The following PCDHGA1 variants were observed in gnomAD, a reference collection of about 807,000 sequenced individuals.
The protein encoded by PCDHGA1 is protocadherin gamma subfamily A, 1, also known as protocadherin gamma-A1.
PCDHGA1 carries 32 observed loss-of-function variants against 58.0 expected under a neutral mutation model. The observed-to-expected ratio is 0.55, with a 90% CI of 0.42 to 0.74. PCDHGA1 has a LOEUF of 0.74. Ranked by LOEUF, PCDHGA1 falls within the 30% of genes least tolerant of loss-of-function variation. The probability of loss-of-function intolerance (pLI) is 0.00; values close to 1 mark genes in which losing one functional copy is unlikely to be tolerated. For missense variants in PCDHGA1, 1,205 were observed against 1,182.3 expected (o/e 1.02, Z -0.28); for synonymous variants, 498 against 501.1 (o/e 0.99, Z 0.08).
At chr5:141,393,285 G>A (rs771057124) in intron 1 of PCDHGA1, 2 of 1,613,966 alleles carry the variant, frequency 1.2e-6, no homozygotes, top group Non-Finnish European at 1.7e-6. Context: ...CCCAGAAGCT[G>A]TTGACCCGGA....
intron 1 of PCDHGA1, among the ~76,000 whole-genome samples, chr5:141,472,792 C>A (rs2099297177): frequency 6.6e-6 from 1 of 151,698 alleles, no homozygotes; most frequent in African/African-American, 2.4e-5. Context: ...TCAAGATCAG[C>A]CTGACCAACA....
At position 141,345,499 on chromosome 5, in the gene PCDHGA1, A is replaced by C. The variant is rs755060552; in HGVS notation, c.2421+12394A>C. On this transcript the variant is annotated intron_variant, in intron 1 of 3. Coordinates refer to ENST00000517417, the MANE Select transcript of PCDHGA1 (RefSeq NM_018912.3). ...AGCAACAACAACGCCCGCATCACTT[A>C]TGCATTGACCGAGGACACTCTCCAG... 4 of 1,614,018 alleles carry C rather than the reference A, an allele frequency of 2.5e-6. No homozygotes were observed. In the African/African-American group the frequency reaches 5.3e-5, roughly 22 times the overall value.
chr5:141,332,345 A>G lies in PCDHGA1; in HGVS notation c.1661A>G (p.Asp554Gly). ...SNVSLSLFLL[D>G]QNDNAPEILY... ...GTGTCTCTCAGCCTATTCCTGCTGGACCAGAACGACAACGCGCCCGAGATC... is the reference window on the plus strand; with the variant it reads ...GTGTCTCTCAGCCTATTCCTGCTGGGCCAGAACGACAACGCGCCCGAGATC... Residue 554 changes from aspartate to glycine, a missense_variant, in exon 1 of 4, where the codon GAC becomes GGC. Asp to Gly is a moderately conservative substitution (Grantham distance 94). Coordinates refer to ENST00000517417, the MANE Select transcript of PCDHGA1 (RefSeq NM_018912.3). This position sits in a 1 kb window ranked among gnomAD's most constrained non-coding sequence, Gnocchi z 4.6. The G allele has an allele frequency of 6.2e-7, 1 of 1,614,066 alleles. No individual in the cohort carries two copies. Among genetic ancestry groups the G allele is most frequent in the Non-Finnish European group, 8.5e-7 (1 of 1,180,002 alleles).
Position 141,491,045 on chromosome 5 carries a change from A to G in PCDHGA1, c.2422-3762A>G, listed in dbSNP as rs1452139285. 2 of 1,613,970 alleles carry G rather than the reference A, an allele frequency of 1.2e-6. No individual in the cohort carries two copies. The highest frequency in any genetic ancestry group is 1.1e-5 in the South Asian group (1 of 91,090). On this transcript the variant is annotated intron_variant, in intron 1 of 3. Coordinates refer to ENST00000517417, the MANE Select transcript of PCDHGA1 (RefSeq NM_018912.3). This position sits in a 1 kb window ranked among gnomAD's most constrained non-coding sequence, Gnocchi z 6.9. ...GCCGTGGATGCTGATGCAGGCCACA[A>G]TGCGTGGCTCTCCTACTCACTGTTG...
Position 141,491,197 on chromosome 5 carries a change from G to A in PCDHGA1, c.2422-3610G>A. Reference sequence around the variant, plus strand: ...GGTGGTCCTGGTGAGGGACAATGGTGACCCTTCACTCTCCTCCACAGCCAC... The same window carrying A: ...GGTGGTCCTGGTGAGGGACAATGGTAACCCTTCACTCTCCTCCACAGCCAC... On this transcript the variant is annotated intron_variant, in intron 1 of 3. Coordinates refer to ENST00000517417, the MANE Select transcript of PCDHGA1 (RefSeq NM_018912.3). The surrounding 1 kb of genome is among the most constrained non-coding windows in gnomAD (Gnocchi z 6.9). 6.2e-7 allele frequency: 1 copy of A among 1,614,190 alleles called. No individual in the cohort carries two copies. The highest frequency in any genetic ancestry group is 8.5e-7 in the Non-Finnish European group (1 of 1,180,024).
chr5:141,428,117 G>A lies in PCDHGA1; in HGVS notation c.2422-66690G>A, dbSNP rs980705077. 5 of 1,606,984 alleles carry A rather than the reference G, an allele frequency of 3.1e-6. No individual in the cohort carries two copies. The African/African-American group carries it at 6.7e-5, about 21-fold the overall frequency. Reference sequence around the variant, plus strand: ...CCTACCACGTGCTGCAGGCCATCGAGCCCGGGCTTTTCAGCCTGGGGCTGC... The same window carrying A: ...CCTACCACGTGCTGCAGGCCATCGAACCCGGGCTTTTCAGCCTGGGGCTGC... On this transcript the variant is annotated intron_variant, in intron 1 of 3. Coordinates refer to ENST00000517417, the MANE Select transcript of PCDHGA1 (RefSeq NM_018912.3).
chr5:141,413,841 T>G, intron 1 of PCDHGA1: 1 of 1,613,060 alleles, frequency 6.2e-7, no homozygotes, highest in Non-Finnish European at 8.5e-7. Context: ...CCGACGGGGG[T>G]GACCCTCTCC....
chr5:141,395,190 A>T (rs769197632), intron 1 of PCDHGA1: 1 of 1,614,028 alleles, frequency 6.2e-7, no homozygotes, highest in East Asian at 2.2e-5. Context: ...TTCTTTGTTA[A>T]CATCCGTAGA....
chr5:141,409,736 G>C (rs1053484390), intron 1 of PCDHGA1: 9 of 1,612,992 alleles, frequency 5.6e-6, no homozygotes, highest in South Asian at 2.2e-5. Context: ...CGCGCAGAGC[G>C]GGGTGGTGTT....
intron 1 of PCDHGA1, chr5:141,383,627 C>G: frequency 1.2e-6 from 2 of 1,613,952 alleles, no homozygotes; most frequent in South Asian, 1.1e-5. Context: ...CCTGTCTTCT[C>G]TCTGCCTCAG....
chr5:141,343,376 AG>A, intron 1 of PCDHGA1: 1 of 982,238 alleles, frequency 1.0e-6, no homozygotes, highest in Non-Finnish European at 1.2e-6. Flanking sequence ...AGAGAGGGAA[AG>A]GTCAAAGAGG....
rs115001531 is a variant in PCDHGA1, at chr5:141,495,385, G to A, written c.2480+520G>A. Among the ~76,000 whole-genome samples the A allele has an allele frequency of 2.2e-3, 339 of 152,328 alleles. 1 individual carries two copies. Among genetic ancestry groups the A allele is most frequent in the African/African-American group, 7.9e-3 (329 of 41,590 alleles). ...AGGTGGAACTGAGGAAGGACTGGGC[G>A]GGGCATGGAGCAGGCCCCCTTCTCC... On this transcript the variant is annotated intron_variant, in intron 2 of 3. Transcript: ENST00000517417.
rs911594122 is a variant in PCDHGA1, at chr5:141,383,374, G to C, written c.2421+50269G>C. On this transcript the variant is annotated intron_variant, in intron 1 of 3. Transcript: ENST00000517417. ...TCGGTTTCCGTTAAGCGAGGCTGGGGATCCAGATGTGGGCACGAACTCCCT... is the reference window on the plus strand; with the variant it reads ...TCGGTTTCCGTTAAGCGAGGCTGGGCATCCAGATGTGGGCACGAACTCCCT... 1.2e-6 allele frequency: 2 copies of C among 1,613,910 alleles called. No homozygotes were observed. The highest frequency in any genetic ancestry group is 2.7e-5 in the African/African-American group (2 of 74,936).
At chr5:141,428,320 T>G in intron 1 of PCDHGA1, 2 of 650,176 alleles carry the variant, frequency 3.1e-6, no homozygotes, top group Non-Finnish European at 5.5e-6. Context: ...GGCCTTGGCC[T>G]TGATTTCTAT....
In PCDHGA1 at chr5:141,487,476, A is replaced by G; in HGVS notation, c.2422-7331A>G. Reference sequence around the variant, plus strand: ...ATCAAGTTTGTTGATGTGGGAGGCCACTCTCATGGCTGTACACCCTTGGCT... The same window carrying G: ...ATCAAGTTTGTTGATGTGGGAGGCCGCTCTCATGGCTGTACACCCTTGGCT... On this transcript the variant is annotated intron_variant, in intron 1 of 3. Transcript: ENST00000517417. The surrounding 1 kb of genome is among the most constrained non-coding windows in gnomAD (Gnocchi z 5.0). The G allele has an allele frequency of 6.2e-7, 1 of 1,614,004 alleles. No homozygotes were observed. Among genetic ancestry groups the G allele is most frequent in the Non-Finnish European group, 8.5e-7 (1 of 1,180,002 alleles).
intron 1 of PCDHGA1, chr5:141,340,758 G>A: frequency 6.2e-7 from 1 of 1,613,968 alleles, no homozygotes; most frequent in East Asian, 2.2e-5. Context: ...GCGGTGGACA[G>A]AGACTCGGGC....
chr5:141,499,533 G>T (rs2099792525), intron 2 of PCDHGA1, among the ~76,000 whole-genome samples: 1 of 152,086 alleles, frequency 6.6e-6, no homozygotes, highest in African/African-American at 2.4e-5. Flanking sequence ...AGAGAGAATG[G>T]TGTCATGAAC....
At chr5:141,409,396 C>A in intron 1 of PCDHGA1, 1 of 1,614,004 alleles carries the variant, frequency 6.2e-7, no homozygotes, top group Non-Finnish European at 8.5e-7. Flanking sequence ...ATTCTTCTTC[C>A]AATAACTACT....
intron 1 of PCDHGA1, among the ~76,000 whole-genome samples, chr5:141,488,225 T>G (rs2099673126): frequency 6.6e-6 from 1 of 152,136 alleles, no homozygotes. Flanking sequence ...CTACTGGGGA[T>G]TTGAACTAGA....
Sources: allele counts gnomAD v4.1 joint callset (sites outside exome capture counted in the v4.1 genomes callset), GRCh38; gene constraint gnomAD v4.1.1; non-coding constraint Gnocchi (gnomAD v3.1); transcripts MANE v1.5; gene names NCBI Gene and HGNC (gene_info 2026-07-23, HGNC 2026-07-21).